RDX: variants seen among roughly 807,000 people sequenced by gnomAD.
RDX encodes the protein radixin.
In RDX, 32 loss-of-function variants were observed where a neutral mutation model predicts 83.7. The observed-to-expected ratio is 0.38, with a 90% CI of 0.29 to 0.51. The LOEUF is 0.51. Among genes scored for constraint, RDX ranks in the 20% least tolerant of loss-of-function variants. The probability of loss-of-function intolerance (pLI) is 0.87; values close to 1 mark genes in which losing one functional copy is unlikely to be tolerated. For synonymous variants in RDX, 229 were observed against 222.7 expected (o/e 1.03, Z -0.25); for missense variants, 600 against 689.9 (o/e 0.87, Z 1.46).
Position 110,221,601 on chromosome 11 carries a change from A to AACACACACACACAC in RDX, c.1748+10258_1748+10271dup, listed in dbSNP as rs60766252. On this transcript the variant is annotated intron_variant, in intron 14 of 15. Transcript: ENST00000528498. Reference sequence around the variant, plus strand: ...CAACAGAGCAAGACCCTGTCTCCAAAACACACACACACACACACACACACA... The same window carrying AACACACACACACAC: ...CAACAGAGCAAGACCCTGTCTCCAAAACACACACACACACACACACACACACACACACACACACA... Among the ~76,000 whole-genome samples the AACACACACACACAC allele has an allele frequency of 9.7e-4, 130 of 133,588 alleles. 2 individuals carry two copies. The highest frequency in any genetic ancestry group is 2.4e-3 in the Admixed American group (32 of 13,070). 87.6% of individuals were successfully genotyped at this position (133,588 alleles called of 152,430 possible).
intron 15 of RDX, among the ~76,000 whole-genome samples, chr11:110,191,152 A>G (rs985269187): frequency 3.9e-5 from 6 of 152,236 alleles, no homozygotes; most frequent in Non-Finnish European, 7.3e-5. Context: ...AGAAAACTAC[A>G]GACTAATATC....
chr11:110,264,981 T>A (rs947611788), intron 3 of RDX, 107 bp from the exon 4 acceptor site: 3 of 722,816 alleles, frequency 4.2e-6, no homozygotes, highest in African/African-American at 3.5e-5. Flanking sequence ...AGTATACGTA[T>A]ATTCCTTTGC....
chr11:110,228,574 T>G (rs183955967), downstream of RDX, among the ~76,000 whole-genome samples: 121 of 152,056 alleles, frequency 8.0e-4, 1 homozygote, highest in African/African-American at 2.7e-3. Flanking sequence ...CAGCTTTAAC[T>G]TTTAAGACTA....
chr11:110,202,595 C>CTTTT (rs58793509), intron 14 of RDX, among the ~76,000 whole-genome samples: 10 of 121,278 alleles, frequency 8.2e-5, no homozygotes, highest in Non-Finnish European at 8.9e-5. Flanking sequence ...ATTTTTCTTT[C>CTTTT]TTTTTTTTTT....
intron 14 of RDX, among the ~76,000 whole-genome samples, chr11:110,216,346 G>T (rs535794235): frequency 6.6e-5 from 10 of 151,902 alleles, no homozygotes; most frequent in Admixed American, 5.9e-4. Context: ...GCAAGCAGGT[G>T]TATCTAGTTT....
intron 10 of RDX, among the ~76,000 whole-genome samples, chr11:110,238,331 A>G (rs1464344760): frequency 6.6e-6 from 1 of 152,226 alleles, no homozygotes; most frequent in East Asian, 1.9e-4. Context: ...TCACTAAATC[A>G]ACTCTTTTCT....
chr11:110,232,952 G>T (rs1028483075), intron 13 of RDX, among the ~76,000 whole-genome samples: 2 of 152,104 alleles, frequency 1.3e-5, no homozygotes, highest in Non-Finnish European at 2.9e-5. Context: ...CTAAATTCAC[G>T]TTTTTCAACA....
At chr11:110,244,694 T>C (rs1257474142) in intron 10 of RDX, among the ~76,000 whole-genome samples, 1 of 152,164 alleles carries the variant, frequency 6.6e-6, no homozygotes, top group East Asian at 1.9e-4. Context: ...AACTGTATAC[T>C]TCAAATGGGT....
chr11:110,244,970 T>G (rs1591145876), intron 10 of RDX, among the ~76,000 whole-genome samples: 1 of 151,538 alleles, frequency 6.6e-6, no homozygotes, highest in East Asian at 1.9e-4. Flanking sequence ...CAAAGTTTTT[T>G]TTTTTTTTTT....
At chr11:110,239,217 C>A (rs12575180) in intron 10 of RDX, among the ~76,000 whole-genome samples, 149,680 of 150,310 alleles carry the variant, frequency 1, 74,526 homozygotes, top group East Asian at 1. Flanking sequence ...TTACCATAGC[C>A]AAAAAAAAAA....
chr11:110,198,690 C>A (rs947275801), intron 15 of RDX, among the ~76,000 whole-genome samples: 3 of 152,142 alleles, frequency 2.0e-5, no homozygotes, highest in Non-Finnish European at 4.4e-5. Context: ...CCTCCACCCC[C>A]CAACCCCACT....
intron 1 of RDX, chr11:110,288,533 C>A (rs867272508): frequency 2.2e-4 from 33 of 151,868 alleles, no homozygotes; most frequent in African/African-American, 6.1e-4. Context: ...CAAAATAATT[C>A]TCACAAATAA....
chr11:110,177,100 A>G lies in RDX; in HGVS notation c.*32-1866T>C, dbSNP rs548951819. Among the ~76,000 whole-genome samples, 13 of 152,380 alleles carry G rather than the reference A, an allele frequency of 8.5e-5. No homozygotes were observed. The East Asian group carries it at 2.3e-3, about 27-fold the overall frequency. ...CATTTCCAGAGACATCGGTTCTGTC[A>G]AGCTGTAAAGCAAAATGCCTCAGGG... On this transcript the variant is annotated intron_variant, in intron 15 of 15. Transcript: ENST00000528498.
chr11:110,217,841 A>G (rs551229149), intron 14 of RDX, among the ~76,000 whole-genome samples: 13 of 146,026 alleles, frequency 8.9e-5, no homozygotes, highest in Non-Finnish European at 2.0e-4. Flanking sequence ...GTCACTACCT[A>G]GCTCTGAGTG....
chr11:110,219,987 A>G (rs1007557951), intron 14 of RDX, among the ~76,000 whole-genome samples: 5 of 152,018 alleles, frequency 3.3e-5, no homozygotes, highest in Non-Finnish European at 7.4e-5. Flanking sequence ...TGAGGAAGGA[A>G]CCTCACTTAT....
intron 12 of RDX, among the ~76,000 whole-genome samples, chr11:110,235,158 C>T (rs1007557065): frequency 2.0e-5 from 3 of 151,870 alleles, no homozygotes; most frequent in Non-Finnish European, 4.4e-5. Context: ...TCAAGACCAA[C>T]CTGGGTTACA....
At chr11:110,240,266 T>G (rs1336714851) in intron 10 of RDX, among the ~76,000 whole-genome samples, 1 of 152,162 alleles carries the variant, frequency 6.6e-6, no homozygotes, top group Non-Finnish European at 1.5e-5. Context: ...AGCCATCACG[T>G]TAAGTGAAAT....
chr11:110,199,901 G>A lies in RDX; in HGVS notation c.1749-223C>T, dbSNP rs186628865. 1.7e-3 allele frequency among the ~76,000 whole-genome samples: 251 copies of A among 151,316 alleles called. 2 individuals are homozygous for A. The highest frequency in any genetic ancestry group is 5.8e-3 in the African/African-American group (242 of 41,466). On this transcript the variant is annotated intron_variant, in intron 14 of 15. Coordinates refer to the RDX transcript ENST00000528498. ...CTCCACGATTAGAATGTGGAAATAA[G>A]AATAACTTTAAACCTTCCTTTTAAA...
At chr11:110,221,885 G>C (rs946456309) in intron 14 of RDX, among the ~76,000 whole-genome samples, 1 of 152,042 alleles carries the variant, frequency 6.6e-6, no homozygotes, top group East Asian at 1.9e-4. Flanking sequence ...TCAACTCCCC[G>C]ATTAACCACA....
Sources: gnomAD v4.1 joint callset for allele counts (sites outside exome capture counted in the v4.1 genomes callset) on GRCh38, gnomAD v4.1.1 for gene constraint, MANE v1.5 for transcripts, NCBI Gene and HGNC (gene_info 2026-07-23, HGNC 2026-07-21) for gene names.